The following TAF1D variants were observed in gnomAD, a reference collection of about 807,000 sequenced individuals.
TAF1D encodes TATA-box binding protein associated factor, RNA polymerase I subunit D.
A neutral mutation model predicts 26.2 loss-of-function variants in TAF1D; 23 were observed. That is an observed-to-expected ratio of 0.88 (90% CI 0.63 to 1.25). TAF1D has a LOEUF of 1.25. TAF1D is among the 50% of genes most tolerant of loss of function. The pLI, the probability that TAF1D is intolerant of heterozygous loss-of-function variation, is 0.00. For synonymous variants in TAF1D, 100 were observed against 105.6 expected, an observed-to-expected ratio of 0.95 and a Z score of 0.33; for missense variants, 299 against 322.0, an observed-to-expected ratio of 0.93 and a Z score of 0.55.
chr11:93,739,432 C>T (rs944175649), intron 1 of TAF1D, 101 bp from the exon 2 acceptor site: 6 of 661,234 alleles, frequency 9.1e-6, no homozygotes, highest in African/African-American at 5.5e-5. Flanking sequence ...TGATTTCAGG[C>T]GAAATCATTT....
chr11:93,736,826 T>C, intron 4 of TAF1D, 75 bp from the exon 5 acceptor site: 2 of 1,475,460 alleles, frequency 1.4e-6, no homozygotes, highest in Non-Finnish European at 1.8e-6. Flanking sequence ...CACTCTGAAA[T>C]ATAACTGAAA....
chr11:93,730,374 T>C, exon 12 of TAF1D: 1 of 910,082 alleles, frequency 1.1e-6, no homozygotes, highest in Non-Finnish European at 1.8e-6. Context: ...TGTTGTGATT[T>C]CTTCCACTGT....
At position 93,736,188 on chromosome 11, in the gene TAF1D, A is replaced by G; in HGVS notation, c.810T>C (p.Asn270=). 2 of 1,613,540 alleles carry G rather than the reference A, an allele frequency of 1.2e-6. No individual in the cohort carries two copies. Among genetic ancestry groups the G allele is most frequent in the Non-Finnish European group, 1.7e-6 (2 of 1,179,784 alleles). The change falls in exon 6 of 6, where the codon AAT becomes AAC. Residue 270 remains asparagine (N), a synonymous_variant. Transcript: ENST00000448108. The part of the protein sequence containing the change: ...LSKKRATKAK[N]TGQRGLKM ...ACATTTTCAGGCCTCTCTGTCCAGT[A>G]TTTTTGGCTTTTGTAGCTCTCTTTT...
At chr11:93,733,156 T>C (rs1454540169), downstream of TAF1D, 2 of 501,302 alleles carry the variant, frequency 4.0e-6, no homozygotes, top group South Asian at 1.5e-5. Flanking sequence ...TTAGAAAGGA[T>C]ACATTTCCAG....
At chr11:93,735,293 T>C (rs1000687560), downstream of TAF1D, 2 of 1,274,150 alleles carry the variant, frequency 1.6e-6, no homozygotes, top group Non-Finnish European at 2.0e-6. Context: ...ATCAAAATAA[T>C]GAACATCGGG....
chr11:93,734,071 CTG>C (rs1264635730), downstream of TAF1D: 4 of 152,530 alleles, frequency 2.6e-5, no homozygotes, highest in African/African-American at 9.7e-5. Flanking sequence ...TAAAGTCTAA[CTG>C]TTGTTATGAA....
chr11:93,741,014 TA>T (rs1182489352), intron 1 of TAF1D, among the ~76,000 whole-genome samples: 15 of 152,248 alleles, frequency 9.9e-5, no homozygotes, highest in Non-Finnish European at 2.1e-4. Flanking sequence ...CCGGCGCGAG[TA>T]ATGGGTACCT....
downstream of TAF1D, chr11:93,731,900 TAAAAA>T: frequency 2.5e-6 from 1 of 394,944 alleles, no homozygotes; most frequent in South Asian, 1.9e-5. Flanking sequence ...ATACAGCACA[TAAAAA>T]AAGTGGTCCT....
chr11:93,740,372 T>C (rs1044460984), intron 1 of TAF1D, among the ~76,000 whole-genome samples: 4 of 124,262 alleles, frequency 3.2e-5, no homozygotes, highest in Non-Finnish European at 6.3e-5. Flanking sequence ...TGGAGGTTGC[T>C]GTTAGCCGAG....
At chr11:93,736,389 T>C in intron 5 of TAF1D, 85 bp from the exon 6 acceptor site, 1 of 1,467,554 alleles carries the variant, frequency 6.8e-7, no homozygotes, top group Middle Eastern at 2.2e-4. Flanking sequence ...CCTGGATTAC[T>C]TCAGATAACC....
Position 93,738,265 on chromosome 11 carries a change from T to C in TAF1D, c.303A>G (p.Pro101=), listed in dbSNP as rs1232140878. 1.2e-6 allele frequency: 2 copies of C among 1,612,402 alleles called. No homozygotes were observed. ...YKKKKKRRYQ[P]TGRPRGRPEG... ...CTGGTCTTCCCCGTGGTCTTCCTGT[T>C]GGCTGGTACCTCCTCTTTTTCTTTT... Residue 101 remains proline (P), a synonymous_variant, in exon 3 of 6, where the codon CCA becomes CCG. Transcript: ENST00000448108.
Position 93,738,311 on chromosome 11 carries a change from T to C in TAF1D, c.257A>G (p.Asn86Ser), listed in dbSNP as rs952396034. Reference sequence around the variant, plus strand: ...CTTTTTTTTATATCTCTTTTTCCTGTTCTTGAATCTTTCAAAAATAGCTTT... The same window carrying C: ...CTTTTTTTTATATCTCTTTTTCCTGCTCTTGAATCTTTCAAAAATAGCTTT... ...TIKAIFERFKNRKKRYKKKKK... is the reference protein window; with the variant it reads ...TIKAIFERFKSRKKRYKKKKK... The change falls in exon 3 of 6, where the codon AAC becomes AGC. Residue 86 changes from asparagine to serine, a missense_variant. Coordinates refer to ENST00000448108, the MANE Select transcript of TAF1D (RefSeq NM_024116.4). 6.2e-6 allele frequency: 10 copies of C among 1,609,668 alleles called. No homozygotes were observed. The highest frequency in any genetic ancestry group is 5.9e-6 in the Non-Finnish European group (7 of 1,179,056).
chr11:93,734,776 T>C, downstream of TAF1D: 1 of 1,260,718 alleles, frequency 7.9e-7, no homozygotes, highest in Non-Finnish European at 1.0e-6. Context: ...AGGCCTGGAA[T>C]CAACCTTTTT....
intron 2 of TAF1D, 53 bp from the exon 3 acceptor site, chr11:93,738,552 C>A: frequency 1.4e-6 from 2 of 1,467,766 alleles, no homozygotes; most frequent in Non-Finnish European, 1.8e-6. Context: ...CTGCTTATTA[C>A]CATTAATACC....
chr11:93,736,006 T>C lies in TAF1D; in HGVS notation c.*155A>G. On this transcript the variant is annotated 3_prime_UTR_variant, in exon 6 of 6. Coordinates refer to ENST00000448108, the MANE Select transcript of TAF1D (RefSeq NM_024116.4). ...TACTTCACAAGTTTCTTTCACAAAC[T>C]TCTTCACAGGGTTAAAAATTTTTTT... 1.4e-6 allele frequency: 2 copies of C among 1,399,206 alleles called. No individual in the cohort carries two copies. The highest frequency in any genetic ancestry group is 3.3e-5 in the South Asian group (2 of 61,324). 86.7% of individuals were successfully genotyped at this position (1,399,206 alleles called of 1,614,324 possible).
At chr11:93,730,862 C>CA, downstream of TAF1D, 1 of 425,658 alleles carries the variant, frequency 2.3e-6, no homozygotes, top group Non-Finnish European at 4.6e-6. Flanking sequence ...AATATAAAGG[C>CA]AAAGCAAATT....
chr11:93,735,428 A>C, downstream of TAF1D: 3 of 713,788 alleles, frequency 4.2e-6, no homozygotes, highest in Non-Finnish European at 5.3e-6. Context: ...CACACCTATA[A>C]TCCCAGCATT....
chr11:93,737,812 C>A (rs1941105884), intron 3 of TAF1D, among the ~76,000 whole-genome samples: 1 of 152,110 alleles, frequency 6.6e-6, no homozygotes, highest in Non-Finnish European at 1.5e-5. Context: ...CTTTTATTAT[C>A]CCCACTGAGT....
intron 5 of TAF1D, 64 bp from the exon 6 acceptor site, chr11:93,736,368 T>G: frequency 6.6e-7 from 1 of 1,509,506 alleles, no homozygotes; most frequent in Admixed American, 2.4e-5. Flanking sequence ...TAATTACATA[T>G]AGCTGAATGC....
Sources: gnomAD v4.1 joint callset for allele counts (sites outside exome capture counted in the v4.1 genomes callset) on GRCh38, gnomAD v4.1.1 for gene constraint, MANE v1.5 for transcripts, NCBI Gene and HGNC (gene_info 2026-07-23, HGNC 2026-07-21) for gene names.